Variants in PATL1 observed in about 807,000 individuals in gnomAD.
The protein encoded by PATL1 is protein PAT1 homolog 1.
In PATL1, 32 loss-of-function variants were observed where a neutral mutation model predicts 100.6. That is an observed-to-expected ratio of 0.32 (90% CI 0.24 to 0.43). PATL1 has a LOEUF of 0.43. Among genes scored for constraint, PATL1 ranks in the 20% least tolerant of loss-of-function variants. PATL1 has a pLI of 1.00. For missense variants in PATL1, 747 were observed against 949.9 expected, an observed-to-expected ratio of 0.79 and a Z score of 2.81; for synonymous variants, 332 against 330.0, an observed-to-expected ratio of 1.01 and a Z score of -0.07.
At position 59,653,064 on chromosome 11, in the gene PATL1, C is replaced by T. The variant is rs773392729; in HGVS notation, c.1122-46G>A. 1.8e-5 allele frequency: 26 copies of T among 1,476,630 alleles called. No individual in the cohort carries two copies. In the Admixed American group the frequency reaches 2.2e-4, roughly 12 times the overall value. 91.5% of individuals were successfully genotyped at this position (1,476,630 alleles called of 1,614,324 possible). A position where few individuals can be genotyped will look rare whatever the true frequency, so the allele number is the denominator to read the frequency against. The stretch of plus-strand genomic sequence containing the variant: ...TCATTCCATGTGGGCAAATTAATTA[C>T]GCTTTTTAACAACAGAGGAATAAAC... On this transcript the variant is annotated intron_variant, in intron 9 of 18. Coordinates refer to ENST00000300146, the MANE Select transcript of PATL1 (RefSeq NM_152716.3).
At chr11:59,657,137 A>G in intron 5 of PATL1, 1 of 984,868 alleles carries the variant, frequency 1.0e-6, no homozygotes, top group Non-Finnish European at 1.2e-6. Flanking sequence ...AGTCTATGGA[A>G]CAGGACTGCA....
At chr11:59,645,806 T>TA (rs765734489) in intron 15 of PATL1, among the ~76,000 whole-genome samples, 1 of 152,222 alleles carries the variant, frequency 6.6e-6, no homozygotes, top group Non-Finnish European at 1.5e-5. Context: ...GACAGGACTC[T>TA]AGTAATCTAT....
At chr11:59,651,475 C>T in intron 12 of PATL1, 69 bp downstream of exon 12, 1 of 1,242,662 alleles carries the variant, frequency 8.0e-7, no homozygotes, top group Non-Finnish European at 1.2e-6. Context: ...TGATCTCATT[C>T]CATGGTGACC....
At chr11:59,656,427 C>T in intron 6 of PATL1, 72 bp downstream of exon 6, 1 of 1,253,514 alleles carries the variant, frequency 8.0e-7, no homozygotes, top group Non-Finnish European at 1.1e-6. Flanking sequence ...AATCTAAATA[C>T]TGGCAGTGAT....
intron 13 of PATL1, among the ~76,000 whole-genome samples, 158 bp from the exon 14 acceptor site, chr11:59,649,768 T>C (rs181763330): frequency 6.6e-6 from 1 of 151,880 alleles, no homozygotes; most frequent in Admixed American, 6.6e-5. Context: ...TGAAATAACT[T>C]AAAAAATTCC....
At chr11:59,640,283 G>A (rs1351161554) in intron 16 of PATL1, among the ~76,000 whole-genome samples, 1 of 151,236 alleles carries the variant, frequency 6.6e-6, no homozygotes. Flanking sequence ...GGAGGTTGCA[G>A]TGAGCCAAGA....
intron 1 of PATL1, 97 bp downstream of exon 1, chr11:59,668,784 C>T (rs1369640769): frequency 1.5e-6 from 1 of 655,506 alleles, no homozygotes; most frequent in Non-Finnish European, 2.7e-6. Flanking sequence ...CAGCCCGCCC[C>T]CTGCCCCGCA....
chr11:59,663,743 A>G (rs1554985343), intron 2 of PATL1, among the ~76,000 whole-genome samples: 1 of 152,140 alleles, frequency 6.6e-6, no homozygotes, highest in Non-Finnish European at 1.5e-5. Context: ...TTTCTTAAGG[A>G]AAGGTGACCA....
rs1241101925 is a variant in PATL1, at chr11:59,659,457, T to G, written c.140A>C (p.Gln47Pro). 1.3e-6 allele frequency: 2 copies of G among 1,550,106 alleles called. No homozygotes were observed. Among genetic ancestry groups the G allele is most frequent in the Non-Finnish European group, 8.7e-7 (1 of 1,146,902 alleles). The stretch of plus-strand genomic sequence containing the variant: ...TTCAGCCAGGCGCTCATGTGCTTCC[T>G]GCCAATCATCATCTATAAGATGACA... Reference protein sequence around the residue: ...FGSGAVDDDWQEAHERLAELE... With the variant: ...FGSGAVDDDWPEAHERLAELE... The change falls in exon 3 of 19, where the codon CAG becomes CCG. Residue 47 changes from glutamine to proline, a missense_variant. This residue lies in a region of PATL1 where 183 missense variants were observed against 221.2 expected (regional missense o/e 0.83). Transcript: ENST00000300146.
chr11:59,652,274 A>G (rs1861458637), intron 11 of PATL1, among the ~76,000 whole-genome samples, 190 bp downstream of exon 11: 2 of 152,270 alleles, frequency 1.3e-5, no homozygotes, highest in South Asian at 4.1e-4. Flanking sequence ...CTAAAAAGGC[A>G]CATGTCAAAG....
At chr11:59,644,909 TAAA>T (rs1554983880) in intron 15 of PATL1, among the ~76,000 whole-genome samples, 4 of 111,556 alleles carry the variant, frequency 3.6e-5, no homozygotes, top group Non-Finnish European at 7.0e-5. Flanking sequence ...TTTTTTTTTT[TAAA>T]AAAAAAAAAA....
chr11:59,668,592 G>A lies in PATL1; in HGVS notation c.15+289C>T, dbSNP rs564862830. Reference sequence around the variant, plus strand: ...CTCTACCCTCCGTGGCTCCTCTAGGGGTGGGGGCGGGGGTGTGGTCTGGTT... The same window carrying A: ...CTCTACCCTCCGTGGCTCCTCTAGGAGTGGGGGCGGGGGTGTGGTCTGGTT... On this transcript the variant is annotated intron_variant, in intron 1 of 18. Transcript: ENST00000300146. Among the ~76,000 whole-genome samples the A allele has an allele frequency of 1.2e-4, 19 of 152,104 alleles. No homozygotes were observed. The South Asian group carries it at 3.9e-3, about 32-fold the overall frequency.
intron 11 of PATL1, 129 bp from the exon 12 acceptor site, chr11:59,651,770 A>C (rs1164229176): frequency 3.0e-6 from 2 of 656,614 alleles, no homozygotes; most frequent in Non-Finnish European, 5.2e-6. Context: ...TGCAAAACTC[A>C]ATGTATCATT....
At chr11:59,653,097 G>GTTTTTTTTT in intron 9 of PATL1, 79 bp from the exon 10 acceptor site, 1 of 894,362 alleles carries the variant, frequency 1.1e-6, no homozygotes, top group Non-Finnish European at 1.6e-6. Context: ...AACCAGGCCA[G>GTTTTTTTTT]TTTTTTTTTT....
At chr11:59,666,371 C>T (rs938553373) in intron 2 of PATL1, among the ~76,000 whole-genome samples, 4 of 152,084 alleles carry the variant, frequency 2.6e-5, no homozygotes, top group African/African-American at 9.7e-5. Flanking sequence ...CTATAAAAAG[C>T]TTTATATTTT....
At position 59,636,953 on chromosome 11, in the gene PATL1, G is replaced by C. The variant is rs1861200694; in HGVS notation, c.*1437C>G. The stretch of plus-strand genomic sequence containing the variant: ...AGGTAACATCACTGGGGAACAGCTG[G>C]TGGAGCCTGGGGTTACAGCATGGGA... On this transcript the variant is annotated 3_prime_UTR_variant, in exon 19 of 19. Coordinates refer to ENST00000300146, the MANE Select transcript of PATL1 (RefSeq NM_152716.3). 6.5e-6 allele frequency: 1 copy of C among 152,744 alleles called. No homozygotes were observed. Among genetic ancestry groups the C allele is most frequent in the Admixed American group, 6.5e-5 (1 of 15,272 alleles). The allele number at this position is 152,744 out of a possible 1,614,324, so 9.5% of individuals were successfully genotyped here. A position where few individuals can be genotyped will look rare whatever the true frequency, so the allele number is the denominator to read the frequency against.
rs1861548379 is a variant in PATL1, at chr11:59,657,201, GC to G, written c.621+328del. On this transcript the variant is annotated intron_variant, in intron 5 of 18. Transcript: ENST00000300146. ...AAAGGTAAAAAGGGATGTGGACAAT[GC>G]TGTGTGTTCCCACTCCCCCCGGCTT... The G allele has an allele frequency of 5.6e-6, 5 of 899,934 alleles. No homozygotes were observed. In the Admixed American group the frequency reaches 3.1e-4, roughly 56 times the overall value. 55.7% of individuals were successfully genotyped at this position (899,934 alleles called of 1,614,324 possible).
chr11:59,659,419 G>C lies in PATL1; in HGVS notation c.178C>G (p.Leu60Val). The C allele has an allele frequency of 6.4e-7, 1 of 1,551,240 alleles. No individual in the cohort carries two copies. The change falls in exon 3 of 19, where the codon CTA becomes GTA. Residue 60 changes from leucine to valine, a missense_variant. Around this residue, in one of 4 missense-constraint regions of PATL1, gnomAD observed 183 missense variants for 221.2 expected, o/e 0.83. Coordinates refer to ENST00000300146, the MANE Select transcript of PATL1 (RefSeq NM_152716.3). ...GTTTGTTCATTAACTGCCACTGGTA[G>C]CTTTTCTTCCAATTCAGCCAGGCGC... The part of the protein sequence containing the change: ...HERLAELEEK[L>V]PVAVNEQTGN...
chr11:59,668,751 C>G (rs1196873880), intron 1 of PATL1, 130 bp downstream of exon 1: 1 of 503,104 alleles, frequency 2.0e-6, no homozygotes, highest in African/African-American at 2.1e-5. Flanking sequence ...CCAGTCGCGT[C>G]CAGCTAAGTC....
Sources: allele counts gnomAD v4.1 joint callset (sites outside exome capture counted in the v4.1 genomes callset), GRCh38; gene constraint gnomAD v4.1.1; regional missense constraint gnomAD v4.1.1; transcripts MANE v1.5; gene names NCBI Gene and HGNC (gene_info 2026-07-23, HGNC 2026-07-21).